Variants in NCALD observed in about 807,000 individuals in gnomAD.
NCALD encodes neurocalcin-delta.
Under a neutral mutation model 18.6 loss-of-function variants are expected in NCALD, and 10 were observed. The ratio of observed to expected loss-of-function variants is 0.54; its 90% CI spans 0.33 to 0.91. NCALD has a LOEUF of 0.91. Among genes scored for constraint, NCALD ranks in the 40% least tolerant of loss-of-function variants. The pLI is 0.03. For synonymous variants in NCALD, 88 were observed against 87.4 expected (o/e 1.01, Z -0.04); for missense variants, 184 against 247.6 (o/e 0.74, Z 1.72).
chr8:101,929,111 A>G (rs931640848), intron 2 of NCALD, among the ~76,000 whole-genome samples: 2 of 151,530 alleles, frequency 1.3e-5, no homozygotes, highest in African/African-American at 2.4e-5. Flanking sequence ...GTAAAATCTT[A>G]TTTAATCCAT....
chr8:101,855,965 A>T (rs1342814668), intron 4 of NCALD, among the ~76,000 whole-genome samples: 2 of 152,038 alleles, frequency 1.3e-5, no homozygotes, highest in African/African-American at 4.8e-5. Flanking sequence ...CCTCATGAAC[A>T]CTCATACATC....
intron 4 of NCALD, among the ~76,000 whole-genome samples, chr8:101,884,367 A>G (rs1309653756): frequency 6.6e-6 from 1 of 152,196 alleles, no homozygotes; most frequent in Non-Finnish European, 1.5e-5. Flanking sequence ...TCTCAGCCGC[A>G]TGCCTTCCTA....
intron 4 of NCALD, among the ~76,000 whole-genome samples, chr8:101,805,208 T>G (rs1586548787): frequency 6.6e-6 from 1 of 152,222 alleles, no homozygotes; most frequent in South Asian, 2.1e-4. Flanking sequence ...TCTGGAGCAC[T>G]TGAATTAAGA....
At chr8:101,838,353 C>T (rs1465266601) in intron 4 of NCALD, among the ~76,000 whole-genome samples, 1 of 152,138 alleles carries the variant, frequency 6.6e-6, no homozygotes, top group East Asian at 1.9e-4. Flanking sequence ...TCCCGAGTAG[C>T]TGGGACTACA....
Position 101,764,000 on chromosome 8 carries a change from ACACACACACACACACC to A in NCALD, c.-20+26846_-20+26861del, listed in dbSNP as rs1184300787. On this transcript the variant is annotated intron_variant, in intron 1 of 3. Transcript: ENST00000220931. ...CACACACACACACACACACACACAC[ACACACACACACACACC>A]CCCTATTGGTCTGTCTCTCAAGAGA... 1.0e-3 allele frequency among the ~76,000 whole-genome samples: 111 copies of A among 108,000 alleles called. 1 individual carries two copies. The Middle Eastern group carries it at 0.013, about 13-fold the overall frequency. The allele number at this position is 108,000 out of a possible 152,430, so 70.9% of individuals were successfully genotyped here. A position where few individuals can be genotyped will look rare whatever the true frequency, so the allele number is the denominator to read the frequency against.
intron 4 of NCALD, among the ~76,000 whole-genome samples, chr8:101,857,896 A>T (rs1815383656): frequency 6.6e-6 from 1 of 152,204 alleles, no homozygotes; most frequent in South Asian, 2.1e-4. Context: ...TAGCAATGAG[A>T]TATAAAATAT....
intron 2 of NCALD, among the ~76,000 whole-genome samples, chr8:101,923,467 A>G (rs961553376): frequency 2.0e-5 from 3 of 152,218 alleles, no homozygotes; most frequent in Admixed American, 6.5e-5. Flanking sequence ...CTAGCTCTCT[A>G]TACGCAGAAA....
At chr8:101,717,990 T>C (rs1198442732) in intron 2 of NCALD, among the ~76,000 whole-genome samples, 1 of 152,238 alleles carries the variant, frequency 6.6e-6, no homozygotes, top group Non-Finnish European at 1.5e-5. Context: ...GGAAGTCACC[T>C]CGGGATGCTA....
intron 1 of NCALD, among the ~76,000 whole-genome samples, chr8:102,086,863 A>G (rs1824755735): frequency 6.6e-6 from 1 of 152,208 alleles, no homozygotes; most frequent in East Asian, 1.9e-4. Flanking sequence ...AGTAAAGAAA[A>G]GCCAGCCAAA....
At chr8:101,764,961 TCATAGAGCCTGCCTCCTGCGG>T in intron 1 of NCALD, among the ~76,000 whole-genome samples, 1 of 152,186 alleles carries the variant, frequency 6.6e-6, no homozygotes, top group Non-Finnish European at 1.5e-5. Flanking sequence ...AGTCTGCTAA[TCATAGAGCCTGCCTCCTGCGG>T]CAAGATCAGG....
intron 1 of NCALD, among the ~76,000 whole-genome samples, chr8:102,102,847 T>C (rs976334135): frequency 6.6e-5 from 10 of 152,152 alleles, no homozygotes; most frequent in African/African-American, 2.4e-4. Context: ...CCAATTCTTG[T>C]GCCCCTCAGG....
rs538903780 is a variant in NCALD, at chr8:101,957,032, G to A, written c.-156-41174C>T. ...CAGGAAAGGTTTCTTCCTTAATGGAGCTCAGAGATAAATTCAGACCCTGTC... is the reference window on the plus strand; with the variant it reads ...CAGGAAAGGTTTCTTCCTTAATGGAACTCAGAGATAAATTCAGACCCTGTC... On this transcript the variant is annotated intron_variant, in intron 2 of 6. Coordinates refer to the NCALD transcript ENST00000311028. Among the ~76,000 whole-genome samples the A allele has an allele frequency of 2.3e-3, 345 of 152,266 alleles. 1 individual carries two copies. Among genetic ancestry groups the A allele is most frequent in the African/African-American group, 7.7e-3 (319 of 41,556 alleles).
chr8:102,120,312 A>AACATGTG (rs1825908347), intron 1 of NCALD, among the ~76,000 whole-genome samples: 1 of 152,210 alleles, frequency 6.6e-6, no homozygotes. Flanking sequence ...CTAAGGATGA[A>AACATGTG]ACATGTGACA....
intron 4 of NCALD, among the ~76,000 whole-genome samples, chr8:101,808,620 A>G (rs1031234656): frequency 3.3e-5 from 5 of 152,206 alleles, no homozygotes; most frequent in African/African-American, 1.2e-4. Context: ...GTCATGTGGT[A>G]GCTTCCAGAA....
At chr8:101,995,999 C>G (rs925923580) in intron 2 of NCALD, among the ~76,000 whole-genome samples, 3 of 152,260 alleles carry the variant, frequency 2.0e-5, no homozygotes, top group African/African-American at 7.2e-5. Flanking sequence ...CTCTCTCTTA[C>G]TGCAGCAGCA....
intron 1 of NCALD, among the ~76,000 whole-genome samples, chr8:102,109,088 G>A (rs1406120516): frequency 1.3e-5 from 2 of 152,104 alleles, no homozygotes; most frequent in African/African-American, 4.8e-5. Flanking sequence ...ACACTCCCAT[G>A]GCATCCTGAT....
intron 2 of NCALD, among the ~76,000 whole-genome samples, chr8:101,999,693 G>T (rs1415822241): frequency 6.6e-6 from 1 of 151,620 alleles, no homozygotes; most frequent in Non-Finnish European, 1.5e-5. Flanking sequence ...GCAGCTATAT[G>T]TATGGAAAAT....
At chr8:102,029,843 C>A (rs1049523738) in intron 1 of NCALD, among the ~76,000 whole-genome samples, 1 of 152,118 alleles carries the variant, frequency 6.6e-6, no homozygotes, top group Non-Finnish European at 1.5e-5. Context: ...CTCAAAGAAG[C>A]CTGAAGCACT....
chr8:101,929,441 A>T (rs569567531), intron 2 of NCALD, among the ~76,000 whole-genome samples: 1 of 23,276 alleles, frequency 4.3e-5, no homozygotes, highest in African/African-American at 2.3e-4. Context: ...AAGGAAGGAA[A>T]GGAGGGAGGG....
Sources: allele counts gnomAD v4.1 joint callset (sites outside exome capture counted in the v4.1 genomes callset), GRCh38; gene constraint gnomAD v4.1.1; transcripts MANE v1.5; gene names NCBI Gene and HGNC (gene_info 2026-07-23, HGNC 2026-07-21).